CD160: variants seen among roughly 807,000 people sequenced by gnomAD.
CD160 encodes the protein CD160 antigen.
CD160 carries 11 observed loss-of-function variants against 19.2 expected under a neutral mutation model. That is an observed-to-expected ratio of 0.57 (90% CI 0.36 to 0.95). The LOEUF (loss-of-function observed/expected upper bound fraction) is 0.95. Among genes scored for constraint, CD160 ranks in the 40% least tolerant of loss-of-function variants. CD160 has a pLI of 0.01. For missense variants in CD160, 182 were observed against 213.2 expected, an observed-to-expected ratio of 0.85 and a Z score of 0.91; for synonymous variants, 75 against 81.1, an observed-to-expected ratio of 0.93 and a Z score of 0.40.
At chr1:145,737,188 T>C (rs1426655276) in intron 5 of CD160, 1 of 151,566 alleles carries the variant, frequency 6.6e-6, no homozygotes, top group Non-Finnish European at 1.5e-5. Context: ...CTGGTTGAGG[T>C]TGCAGTGAGC....
rs782511356 is a variant in CD160 at position 145,728,367 on chromosome 1, A to G, written c.40A>G (p.Ile14Val). The G allele has an allele frequency of 1.9e-6, 3 of 1,613,448 alleles. No individual in the cohort carries two copies. Among genetic ancestry groups the G allele is most frequent in the Non-Finnish European group, 2.5e-6 (3 of 1,179,734 alleles). ...CGGCAGAGGCTGCTGTGCCCTGGCC[A>G]TCCTGCTGGCAATTGTGGACATCCA... The part of the protein sequence containing the change: ...EPGRGCCALA[I>V]LLAIVDIQSG... Residue 14 changes from isoleucine (I) to valine (V), a missense_variant, in exon 3 of 6, where the codon ATC becomes GTC. Transcript: ENST00000369288.
Position 145,731,043 on chromosome 1 carries a change from G to A in CD160, c.373G>A (p.Gly125Ser). The part of the protein sequence containing the change: ...RSQKSGIRLQ[G>S]HFFSILFTET... Reference sequence around the variant, plus strand: ...CCAGAAGTCAGGTATCCGCCTTCAGGGCCATTTTTTCTCCATTCTATTCAC... The same window carrying A: ...CCAGAAGTCAGGTATCCGCCTTCAGAGCCATTTTTTCTCCATTCTATTCAC... The change falls in exon 4 of 6, where the codon GGC becomes AGC. Residue 125 changes from glycine (G) to serine (S), a missense_variant. Gly to Ser is a moderately conservative substitution (Grantham distance 56, BLOSUM62 0). Coordinates refer to ENST00000369288, the MANE Select transcript of CD160 (RefSeq NM_007053.4). 2 of 1,613,912 alleles carry A rather than the reference G, an allele frequency of 1.2e-6. No individual in the cohort carries two copies. Among genetic ancestry groups the A allele is most frequent in the Non-Finnish European group, 1.7e-6 (2 of 1,179,910 alleles).
intron 3 of CD160, among the ~76,000 whole-genome samples, chr1:145,729,353 C>T (rs1246231770): frequency 6.6e-6 from 1 of 152,026 alleles, no homozygotes; most frequent in African/African-American, 2.4e-5. Flanking sequence ...CAAGTCATAG[C>T]GGATCAAGCT....
chr1:145,727,887 G>A (rs1231717517), intron 2 of CD160, among the ~76,000 whole-genome samples: 1 of 152,046 alleles, frequency 6.6e-6, no homozygotes, highest in African/African-American at 2.4e-5. Flanking sequence ...AGCTAGCAAG[G>A]GCACGAGGAA....
intron 4 of CD160, among the ~76,000 whole-genome samples, chr1:145,734,622 T>G (rs997450611): frequency 6.6e-6 from 1 of 152,226 alleles, no homozygotes; most frequent in Non-Finnish European, 1.5e-5. Context: ...TATAACACAG[T>G]CCTTGCTCCT....
chr1:145,737,711 A>C (rs2101417546), intron 5 of CD160: 1 of 149,132 alleles, frequency 6.7e-6, no homozygotes, highest in South Asian at 2.1e-4. Flanking sequence ...CATACAACCT[A>C]CTACTAGTTA....
rs370819492 is a variant in CD160, at chr1:145,731,526, C to T, written c.400+456C>T. Among the ~76,000 whole-genome samples the T allele has an allele frequency of 2.4e-4, 36 of 152,122 alleles. 1 individual carries two copies. The South Asian group carries it at 6.7e-3, about 28-fold the overall frequency. ...TCTCTACTAAAAATACAAAATTAGC[C>T]GGGTGTGGTGGCGCATGCCTGTAAT... On this transcript the variant is annotated intron_variant, in intron 4 of 5. Coordinates refer to ENST00000369288, the MANE Select transcript of CD160 (RefSeq NM_007053.4).
At chr1:145,728,618 C>T (rs1657156841) in intron 3 of CD160, among the ~76,000 whole-genome samples, 1 of 150,850 alleles carries the variant, frequency 6.6e-6, no homozygotes, top group South Asian at 2.1e-4. Flanking sequence ...ATTCTGCTGG[C>T]TCAGCTTCCC....
intron 1 of CD160, among the ~76,000 whole-genome samples, chr1:145,722,525 A>G (rs1284748531): frequency 6.6e-6 from 1 of 152,212 alleles, no homozygotes; most frequent in African/African-American, 2.4e-5. Flanking sequence ...TTAAAGGCTG[A>G]GCATAGCGCC....
intron 1 of CD160, among the ~76,000 whole-genome samples, chr1:145,719,950 C>G (rs782067335): frequency 2.6e-5 from 4 of 152,146 alleles, no homozygotes; most frequent in African/African-American, 9.7e-5. Context: ...AGGTGGTTCA[C>G]GTCATGGACC....
chr1:145,730,689 T>A, intron 3 of CD160, 55 bp from the exon 4 acceptor site: 1 of 1,453,916 alleles, frequency 6.9e-7, no homozygotes, highest in Admixed American at 1.7e-5. Context: ...GCAGTTACGG[T>A]GAAATTCACA....
chr1:145,722,893 G>A (rs1403623475), intron 1 of CD160, among the ~76,000 whole-genome samples: 4 of 152,030 alleles, frequency 2.6e-5, no homozygotes, highest in African/African-American at 4.8e-5. Context: ...CGCGCCCGGC[G>A]CCACTATTAA....
intron 2 of CD160, among the ~76,000 whole-genome samples, chr1:145,727,055 T>C (rs1657077479): frequency 6.6e-6 from 1 of 152,156 alleles, no homozygotes; most frequent in African/African-American, 2.4e-5. Flanking sequence ...AAAATAAATT[T>C]ATAGAAAAAT....
At chr1:145,736,407 A>C in intron 5 of CD160, 1 of 672,710 alleles carries the variant, frequency 1.5e-6, no homozygotes, top group Non-Finnish European at 2.4e-6. Flanking sequence ...TAGTACAACT[A>C]CCTCTACTCA....
At chr1:145,733,114 ACTAT>A (rs1553709634) in intron 4 of CD160, among the ~76,000 whole-genome samples, 2 of 151,996 alleles carry the variant, frequency 1.3e-5, no homozygotes, top group East Asian at 3.9e-4. Context: ...TGAACTTACA[ACTAT>A]CTTACTTTTT....
intron 2 of CD160, among the ~76,000 whole-genome samples, chr1:145,726,120 C>T (rs1289901822): frequency 2.0e-5 from 3 of 152,144 alleles, no homozygotes; most frequent in Non-Finnish European, 2.9e-5. Flanking sequence ...AATAGGAATG[C>T]TTTTACACTG....
intron 2 of CD160, among the ~76,000 whole-genome samples, chr1:145,726,250 A>T (rs1657046403): frequency 6.6e-6 from 1 of 152,196 alleles, no homozygotes; most frequent in African/African-American, 2.4e-5. Flanking sequence ...TACCCAAAGG[A>T]TTATAAATCA....
At chr1:145,723,616 C>T (rs192859454) in intron 1 of CD160, among the ~76,000 whole-genome samples, 177 of 152,250 alleles carry the variant, frequency 1.2e-3, no homozygotes, top group Middle Eastern at 3.4e-3. Context: ...CAAAGTTTTG[C>T]TCTGTTGCCC....
intron 2 of CD160, among the ~76,000 whole-genome samples, chr1:145,727,356 T>C (rs868918885): frequency 6.6e-6 from 1 of 152,234 alleles, no homozygotes. Context: ...ATTTTCCCTA[T>C]TGATGAAATT....
Sources: gnomAD v4.1 joint callset for allele counts (sites outside exome capture counted in the v4.1 genomes callset) on GRCh38, gnomAD v4.1.1 for gene constraint, MANE v1.5 for transcripts, NCBI Gene and HGNC (gene_info 2026-07-23, HGNC 2026-07-21) for gene names.